PLEKHA5: variants seen among roughly 807,000 people sequenced by gnomAD.
The protein encoded by PLEKHA5 is pleckstrin homology domain containing A5, also known as pleckstrin homology domain-containing family A member 5.
PLEKHA5 carries 55 observed loss-of-function variants against 181.9 expected under a neutral mutation model. That is an observed-to-expected ratio of 0.30 (90% CI 0.24 to 0.38). The LOEUF (loss-of-function observed/expected upper bound fraction) is 0.38, where lower values mean the gene tolerates loss of function less well. Among genes scored for constraint, PLEKHA5 ranks in the 10% least tolerant of loss-of-function variants. PLEKHA5 has a pLI of 1.00. For synonymous variants in PLEKHA5, 535 were observed against 529.4 expected, an observed-to-expected ratio of 1.01 and a Z score of -0.15; for missense variants, 1,432 against 1,549.5, an observed-to-expected ratio of 0.92 and a Z score of 1.27.
chr12:19,159,768 A>G (rs1012672741), intron 3 of PLEKHA5, among the ~76,000 whole-genome samples: 2 of 152,194 alleles, frequency 1.3e-5, no homozygotes, highest in African/African-American at 4.8e-5. Context: ...AGGTAAATAA[A>G]AACTTTAATT....
chr12:19,212,732 A>G (rs1009855472), intron 3 of PLEKHA5, among the ~76,000 whole-genome samples: 2 of 152,108 alleles, frequency 1.3e-5, no homozygotes, highest in Non-Finnish European at 2.9e-5. Context: ...CATGACCAGT[A>G]TGTTCATAAA....
At chr12:19,335,903 A>T (rs1001433425) in intron 20 of PLEKHA5, among the ~76,000 whole-genome samples, 4 of 152,122 alleles carry the variant, frequency 2.6e-5, no homozygotes, top group Non-Finnish European at 5.9e-5. Flanking sequence ...AAGTGCTGAG[A>T]TTACAGATGT....
At chr12:19,290,153 G>A (rs979896095) in intron 13 of PLEKHA5, among the ~76,000 whole-genome samples, 4 of 151,742 alleles carry the variant, frequency 2.6e-5, no homozygotes, top group Non-Finnish European at 5.9e-5. Context: ...GGCTGGTCTC[G>A]AACTTCTGAC....
chr12:19,132,843 A>C (rs1216203080), intron 3 of PLEKHA5, among the ~76,000 whole-genome samples: 1 of 115,868 alleles, frequency 8.6e-6, no homozygotes, highest in Non-Finnish European at 1.7e-5. Context: ...GTCATTAGCT[A>C]TGTGGTACTT....
intron 3 of PLEKHA5, among the ~76,000 whole-genome samples, chr12:19,167,368 A>G (rs2044640304): frequency 6.8e-6 from 1 of 147,222 alleles, no homozygotes; most frequent in Admixed American, 6.8e-5. Flanking sequence ...TTGGCATCAT[A>G]CTTGCTAACA....
Position 19,307,034 on chromosome 12 carries a change from C to T in PLEKHA5, c.2038-7780C>T, listed in dbSNP as rs1015345452. The T allele has an allele frequency of 6.8e-6, 10 of 1,479,768 alleles. No homozygotes were observed. The Admixed American group carries it at 1.2e-4, about 18-fold the overall frequency. 91.7% of individuals were successfully genotyped at this position (1,479,768 alleles called of 1,614,324 possible). A position where few individuals can be genotyped will look rare whatever the true frequency, so the allele number is the denominator to read the frequency against. On this transcript the variant is annotated intron_variant, in intron 15 of 31. Coordinates refer to ENST00000429027, the MANE Select transcript of PLEKHA5 (RefSeq NM_001256470.2). ...CCTACTCTTGTTCCTGCCCTTGCTG[C>T]GCTTGGGCTTCCTGGAGCAAACTTG...
chr12:19,346,978 G>T lies in PLEKHA5; in HGVS notation c.2710-16G>T, dbSNP rs1324296561. 1 of 1,525,626 alleles carries T rather than the reference G, an allele frequency of 6.6e-7. No individual in the cohort carries two copies. Among genetic ancestry groups the T allele is most frequent in the Non-Finnish European group, 8.9e-7 (1 of 1,127,356 alleles). 94.5% of individuals were successfully genotyped at this position (1,525,626 alleles called of 1,614,324 possible). On this transcript the variant is annotated splice_polypyrimidine_tract_variant and intron_variant, in intron 23 of 31. Transcript: ENST00000429027. ...ATCTGCTTATCTAAATAAGGTGACT[G>T]TTCTACAATCTTTAGGAAGAGGAAG...
intron 2 of PLEKHA5, among the ~76,000 whole-genome samples, chr12:19,131,835 A>G (rs1378053301): frequency 2.0e-5 from 3 of 152,180 alleles, no homozygotes; most frequent in African/African-American, 7.2e-5. Context: ...ATCATCCCCA[A>G]CTTTACTACT....
intron 20 of PLEKHA5, among the ~76,000 whole-genome samples, chr12:19,327,099 A>G (rs905067159): frequency 3.9e-5 from 6 of 152,180 alleles, no homozygotes; most frequent in Non-Finnish European, 7.3e-5. Context: ...TACCCAGTCA[A>G]TGCAATTGCT....
At chr12:19,142,883 G>A (rs939255755) in intron 3 of PLEKHA5, among the ~76,000 whole-genome samples, 2 of 152,078 alleles carry the variant, frequency 1.3e-5, no homozygotes, top group African/African-American at 4.8e-5. Flanking sequence ...TTAAGATCAT[G>A]CAGTATTTTT....
chr12:19,144,824 G>A (rs1006574946), intron 3 of PLEKHA5, among the ~76,000 whole-genome samples: 9 of 152,176 alleles, frequency 5.9e-5, no homozygotes, highest in Non-Finnish European at 1.0e-4. Flanking sequence ...TTATCATAAA[G>A]TCAGAGACTT....
intron 3 of PLEKHA5, chr12:19,176,234 CCTCT>C (rs2047186239): frequency 1.3e-5 from 2 of 149,160 alleles, no homozygotes; most frequent in Middle Eastern, 3.2e-3. Context: ...TTCCTCCCTC[CCTCT>C]GTCTCTATTA....
intron 3 of PLEKHA5, among the ~76,000 whole-genome samples, chr12:19,218,273 C>T (rs1442156629): frequency 6.6e-6 from 1 of 151,962 alleles, no homozygotes; most frequent in Non-Finnish European, 1.5e-5. Flanking sequence ...TAACAGGTTA[C>T]CAGTAATGTT....
intron 3 of PLEKHA5, among the ~76,000 whole-genome samples, chr12:19,148,923 G>A (rs1331075183): frequency 6.6e-6 from 1 of 152,060 alleles, no homozygotes; most frequent in Admixed American, 6.6e-5. Context: ...TGAAAGTCTG[G>A]CTGCTATTCC....
At chr12:19,154,981 A>T (rs1053309198) in intron 3 of PLEKHA5, among the ~76,000 whole-genome samples, 1 of 152,198 alleles carries the variant, frequency 6.6e-6, no homozygotes, top group Admixed American at 6.5e-5. Context: ...CTGGATTTAC[A>T]CTGGTGGGGC....
intron 21 of PLEKHA5, among the ~76,000 whole-genome samples, chr12:19,340,754 G>A (rs2093838631): frequency 6.8e-6 from 1 of 147,840 alleles, no homozygotes; most frequent in Non-Finnish European, 1.5e-5. Context: ...CTTGAAGGCA[G>A]CATGCTCGTT....
intron 8 of PLEKHA5, among the ~76,000 whole-genome samples, chr12:19,266,296 T>G (rs1222315389): frequency 2.6e-5 from 4 of 151,318 alleles, no homozygotes; most frequent in African/African-American, 7.3e-5. Flanking sequence ...AGTGAGACCC[T>G]GTCTCTAAAA....
chr12:19,193,608 G>A (rs968503219), intron 3 of PLEKHA5, among the ~76,000 whole-genome samples: 18 of 152,200 alleles, frequency 1.2e-4, no homozygotes, highest in African/African-American at 4.1e-4. Context: ...AGCAATGCAC[G>A]TTGTACCTAC....
intron 3 of PLEKHA5, among the ~76,000 whole-genome samples, chr12:19,189,985 A>G (rs1216066129): frequency 6.6e-6 from 1 of 152,172 alleles, no homozygotes; most frequent in Non-Finnish European, 1.5e-5. Context: ...TTCCAAAGAC[A>G]TTAATTTGTT....
Sources: allele counts gnomAD v4.1 joint callset (sites outside exome capture counted in the v4.1 genomes callset), GRCh38; gene constraint gnomAD v4.1.1; transcripts MANE v1.5; gene names NCBI Gene and HGNC (gene_info 2026-07-23, HGNC 2026-07-21).